PDGFRL: variants seen among roughly 807,000 people sequenced by gnomAD.
PDGFRL encodes the protein platelet derived growth factor receptor like.
PDGFRL carries 46 observed loss-of-function variants against 37.2 expected under a neutral mutation model. That is an observed-to-expected ratio of 1.24 (90% CI 0.98 to 1.58). The LOEUF (loss-of-function observed/expected upper bound fraction) is 1.58, where lower values mean the gene tolerates loss of function less well. Among genes scored for constraint, PDGFRL ranks in the 40% most tolerant of loss-of-function variants. The pLI, the probability that PDGFRL is intolerant of heterozygous loss-of-function variation, is 0.00. For synonymous variants in PDGFRL, 251 were observed against 184.3 expected (o/e 1.36, Z -2.93); for missense variants, 692 against 467.6 (o/e 1.48, Z -4.43).
At chr8:17,628,251 C>T (rs1389076045) in intron 3 of PDGFRL, among the ~76,000 whole-genome samples, 2 of 151,998 alleles carry the variant, frequency 1.3e-5, no homozygotes, top group African/African-American at 4.8e-5. Context: ...GCCTCAGCCT[C>T]CCAAAGTGCT....
At chr8:17,632,144 C>T (rs551848691) in intron 4 of PDGFRL, among the ~76,000 whole-genome samples, 1 of 152,192 alleles carries the variant, frequency 6.6e-6, no homozygotes, top group African/African-American at 2.4e-5. Flanking sequence ...CGGCTGGAAG[C>T]CAAGCTAACC....
At chr8:17,577,144 T>C, upstream of PDGFRL, 3 of 1,311,476 alleles carry the variant, frequency 2.3e-6, no homozygotes, top group South Asian at 2.6e-5. Context: ...AGAAACCGAA[T>C]CCTCCCGCTT....
chr8:17,600,963 C>T (rs1437751064), intron 2 of PDGFRL, among the ~76,000 whole-genome samples: 2 of 152,074 alleles, frequency 1.3e-5, no homozygotes, highest in Non-Finnish European at 2.9e-5. Context: ...GCCTGGGAGA[C>T]AGAGCAAGGC....
intron 2 of PDGFRL, among the ~76,000 whole-genome samples, chr8:17,598,363 C>T (rs1352590388): frequency 6.6e-6 from 1 of 152,158 alleles, no homozygotes; most frequent in African/African-American, 2.4e-5. Context: ...TGTCCTTCTT[C>T]CCTCCTGAAA....
intron 2 of PDGFRL, among the ~76,000 whole-genome samples, chr8:17,610,717 C>T (rs1321440906): frequency 1.3e-5 from 2 of 152,128 alleles, no homozygotes; most frequent in Admixed American, 1.3e-4. Context: ...TAAAGAGCAG[C>T]CTGGCCAGTA....
chr8:17,599,648 C>T (rs56253532), intron 2 of PDGFRL, among the ~76,000 whole-genome samples: 36,700 of 152,086 alleles, frequency 0.24, 4,716 homozygotes, highest in African/African-American at 0.32. Flanking sequence ...GGCCACCTCA[C>T]GTTTGCTTGG....
At chr8:17,584,000 G>T (rs1321640488) in intron 1 of PDGFRL, among the ~76,000 whole-genome samples, 1 of 152,158 alleles carries the variant, frequency 6.6e-6, no homozygotes, top group African/African-American at 2.4e-5. Context: ...GACGGCCGAA[G>T]GAGTGATACA....
intron 2 of PDGFRL, among the ~76,000 whole-genome samples, chr8:17,591,135 G>T (rs1585302545): frequency 6.6e-6 from 1 of 152,074 alleles, no homozygotes; most frequent in African/African-American, 2.4e-5. Context: ...GCCTGCCTCG[G>T]CCTCCCAAAG....
At chr8:17,590,884 AT>A (rs879655891) in intron 2 of PDGFRL, among the ~76,000 whole-genome samples, 2,237 of 55,342 alleles carry the variant, frequency 0.04, 45 homozygotes, top group Non-Finnish European at 0.083. Flanking sequence ...TATTATTATT[AT>A]TAATTTTTTT....
chr8:17,587,306 G>T (rs1168046347), intron 1 of PDGFRL, among the ~76,000 whole-genome samples: 1 of 152,142 alleles, frequency 6.6e-6, no homozygotes, highest in Non-Finnish European at 1.5e-5. Context: ...TCATGTTCCT[G>T]AGTAACATAG....
At chr8:17,582,745 C>T (rs1803734330) in intron 1 of PDGFRL, among the ~76,000 whole-genome samples, 1 of 152,036 alleles carries the variant, frequency 6.6e-6, no homozygotes. Context: ...GAAAAGAATC[C>T]AAGGGCACAG....
At chr8:17,584,682 A>C (rs1245299015) in intron 1 of PDGFRL, among the ~76,000 whole-genome samples, 4 of 150,036 alleles carry the variant, frequency 2.7e-5, no homozygotes, top group Non-Finnish European at 5.9e-5. Context: ...TGAGGCCTTT[A>C]TCCTGGCATT....
At chr8:17,606,894 GTTTTTTTTTT>G (rs1198809504) in intron 2 of PDGFRL, among the ~76,000 whole-genome samples, 1 of 123,690 alleles carries the variant, frequency 8.1e-6, no homozygotes, top group African/African-American at 3.1e-5. Context: ...TTGTTTTTTT[GTTTTTTTTTT>G]TTTTTTTTTG....
At chr8:17,636,427 T>C (rs954002060) in intron 5 of PDGFRL, among the ~76,000 whole-genome samples, 2 of 152,248 alleles carry the variant, frequency 1.3e-5, no homozygotes, top group African/African-American at 4.8e-5. Flanking sequence ...AGTGTAAGTA[T>C]TTGGGTTTAT....
chr8:17,636,578 G>C (rs1200978854), intron 5 of PDGFRL, among the ~76,000 whole-genome samples: 1 of 148,726 alleles, frequency 6.7e-6, no homozygotes, highest in Admixed American at 6.7e-5. Flanking sequence ...TTTTTGCTTA[G>C]TCTTGTTTTG....
At chr8:17,618,225 G>T (rs1211357934) in intron 2 of PDGFRL, among the ~76,000 whole-genome samples, 1 of 151,950 alleles carries the variant, frequency 6.6e-6, no homozygotes, top group Non-Finnish European at 1.5e-5. Context: ...CCTGGCTAAT[G>T]TTTAATTTTT....
chr8:17,583,904 ATCT>A (rs1803761304), intron 1 of PDGFRL, among the ~76,000 whole-genome samples: 1 of 152,278 alleles, frequency 6.6e-6, no homozygotes, highest in Non-Finnish European at 1.5e-5. Context: ...CCAGTCTTGA[ATCT>A]TCTGGCCAGC....
At chr8:17,627,951 C>G (rs1166359229) in intron 3 of PDGFRL, among the ~76,000 whole-genome samples, 4 of 147,124 alleles carry the variant, frequency 2.7e-5, no homozygotes, top group African/African-American at 1.0e-4. Context: ...TGGGCGTCAT[C>G]TGGGCTTGTA....
chr8:17,605,415 G>C (rs1183076660), intron 2 of PDGFRL, among the ~76,000 whole-genome samples: 1 of 152,110 alleles, frequency 6.6e-6, no homozygotes, highest in East Asian at 1.9e-4. Context: ...CTTTGTGTAA[G>C]AATATTCTGG....
Sources: allele counts gnomAD v4.1 joint callset (sites outside exome capture counted in the v4.1 genomes callset), GRCh38; gene constraint gnomAD v4.1.1; transcripts MANE v1.5; gene names NCBI Gene and HGNC (gene_info 2026-07-23, HGNC 2026-07-21).